BCKDHB: variants seen among roughly 807,000 people sequenced by gnomAD.
BCKDHB encodes the protein branched chain keto acid dehydrogenase E1 subunit beta, also known as 2-oxoisovalerate dehydrogenase subunit beta, mitochondrial.
A neutral mutation model predicts 48.5 loss-of-function variants in BCKDHB; 41 were observed. That is an observed-to-expected ratio of 0.85 (90% CI 0.66 to 1.10). The LOEUF is 1.10. Among genes scored for constraint, BCKDHB ranks in the 50% least tolerant of loss-of-function variants. The pLI, the probability that BCKDHB is intolerant of heterozygous loss-of-function variation, is 0.00. For synonymous variants in BCKDHB, 201 were observed against 174.8 expected (o/e 1.15, Z -1.18); for missense variants, 496 against 494.2 (o/e 1.00, Z -0.03).
At chr6:80,412,624 A>G in the BCKDHB span, among the ~76,000 whole-genome samples, 2 of 152,192 alleles carry the variant, frequency 1.3e-5, no homozygotes, top group Non-Finnish European at 2.9e-5. Flanking sequence ...TGAGTTGTAT[A>G]CCTTCAAATA....
chr6:80,205,038 GA>G (rs1774578063), intron 8 of BCKDHB, among the ~76,000 whole-genome samples: 1 of 152,078 alleles, frequency 6.6e-6, no homozygotes, highest in Non-Finnish European at 1.5e-5. Context: ...ATCCGGTTGT[GA>G]CAGTGAAAGC....
chr6:80,215,776 G>A (rs1355194118), intron 8 of BCKDHB, among the ~76,000 whole-genome samples: 3 of 151,876 alleles, frequency 2.0e-5, no homozygotes, highest in African/African-American at 4.8e-5. Flanking sequence ...ACGGAGTCTC[G>A]CCGTGCCACC....
chr6:80,110,638 A>C (rs1287652596), intron 1 of BCKDHB, among the ~76,000 whole-genome samples: 1 of 152,176 alleles, frequency 6.6e-6, no homozygotes, highest in Non-Finnish European at 1.5e-5. Flanking sequence ...AGGAATGGAA[A>C]ATGAAGCATC....
At chr6:80,267,366 C>G (rs1777556302) in intron 8 of BCKDHB, among the ~76,000 whole-genome samples, 1 of 151,976 alleles carries the variant, frequency 6.6e-6, no homozygotes, top group African/African-American at 2.4e-5. Context: ...TGAAATTCTA[C>G]TGGGAAATGG....
chr6:80,292,149 G>T (rs1487611501), intron 9 of BCKDHB, among the ~76,000 whole-genome samples: 1 of 152,168 alleles, frequency 6.6e-6, no homozygotes, highest in East Asian at 1.9e-4. Context: ...TGTAGACAAG[G>T]TATGAGGCCA....
the BCKDHB span, among the ~76,000 whole-genome samples, chr6:80,441,580 T>C: frequency 1.3e-5 from 2 of 152,202 alleles, no homozygotes; most frequent in African/African-American, 4.8e-5. Flanking sequence ...CAGACAAAGA[T>C]TTTGTCATTT....
intron 8 of BCKDHB, among the ~76,000 whole-genome samples, chr6:80,232,820 C>T (rs953845914): frequency 2.7e-5 from 4 of 150,578 alleles, no homozygotes; most frequent in Admixed American, 6.6e-5. Context: ...TGTGTTTGTG[C>T]GTTCTCTTTC....
intron 9 of BCKDHB, among the ~76,000 whole-genome samples, chr6:80,308,448 A>G (rs2127995144): frequency 6.6e-6 from 1 of 152,310 alleles, no homozygotes; most frequent in Non-Finnish European, 1.5e-5. Context: ...AAGTGTGTTC[A>G]AACATGTTTT....
At chr6:80,389,064 T>C in the BCKDHB span, among the ~76,000 whole-genome samples, 2 of 152,202 alleles carry the variant, frequency 1.3e-5, no homozygotes, top group African/African-American at 4.8e-5. Context: ...GATGGAAACC[T>C]CTGTGAGTGG....
intron 6 of BCKDHB, among the ~76,000 whole-genome samples, chr6:80,183,674 A>G (rs1582305987): frequency 6.6e-6 from 1 of 152,162 alleles, no homozygotes; most frequent in Non-Finnish European, 1.5e-5. Flanking sequence ...GTATGATGAC[A>G]TGTATCTACC....
chr6:80,376,461 C>T, the BCKDHB span, among the ~76,000 whole-genome samples: 1 of 152,210 alleles, frequency 6.6e-6, no homozygotes, highest in African/African-American at 2.4e-5. Flanking sequence ...AGAAAGCAAG[C>T]AGACTCACAG....
At chr6:80,367,402 A>G in the BCKDHB span, among the ~76,000 whole-genome samples, 1 of 152,210 alleles carries the variant, frequency 6.6e-6, no homozygotes, top group Non-Finnish European at 1.5e-5. Flanking sequence ...TTATTTTTAT[A>G]GCTCATACAT....
intron 9 of BCKDHB, among the ~76,000 whole-genome samples, chr6:80,297,877 T>C (rs1037283612): frequency 4.6e-5 from 7 of 152,176 alleles, no homozygotes; most frequent in African/African-American, 1.7e-4. Flanking sequence ...GTGTCAAAAA[T>C]GTCACACAAT....
At chr6:80,307,858 C>G in intron 9 of BCKDHB, 1 of 980,080 alleles carries the variant, frequency 1.0e-6, no homozygotes, top group Non-Finnish European at 1.2e-6. Context: ...CTACTTAACA[C>G]TGCAAATGCA....
chr6:80,107,129 G>C (rs1769116127), intron 1 of BCKDHB, among the ~76,000 whole-genome samples: 1 of 151,742 alleles, frequency 6.6e-6, no homozygotes, highest in Non-Finnish European at 1.5e-5. Flanking sequence ...ATGGGTGAGA[G>C]GGCATACTGC....
At chr6:80,300,113 A>G (rs1339886946) in intron 9 of BCKDHB, among the ~76,000 whole-genome samples, 1 of 151,478 alleles carries the variant, frequency 6.6e-6, no homozygotes, top group Non-Finnish European at 1.5e-5. Context: ...GCGTAGCGCT[A>G]TGATCTCAGC....
the BCKDHB span, among the ~76,000 whole-genome samples, chr6:80,413,172 G>A: frequency 8.9e-3 from 1,346 of 151,958 alleles, 7 homozygotes; most frequent in Non-Finnish European, 0.013. Flanking sequence ...TATAAATCCC[G>A]AGGGCTTTCT....
chr6:80,229,971 C>A (rs2127883318), intron 8 of BCKDHB, among the ~76,000 whole-genome samples: 1 of 148,262 alleles, frequency 6.7e-6, no homozygotes, highest in South Asian at 2.1e-4. Flanking sequence ...TAAACAGTAG[C>A]ACATAACACC....
intron 8 of BCKDHB, among the ~76,000 whole-genome samples, chr6:80,213,561 C>G (rs564057270): frequency 1.3e-5 from 2 of 152,186 alleles, no homozygotes; most frequent in African/African-American, 4.8e-5. Context: ...CTTCTCTGTT[C>G]AAATACACCC....
Sources: allele counts gnomAD v4.1 joint callset (sites outside exome capture counted in the v4.1 genomes callset), GRCh38; gene constraint gnomAD v4.1.1; transcripts MANE v1.5; gene names NCBI Gene and HGNC (gene_info 2026-07-23, HGNC 2026-07-21).